Variants in NECTIN3 observed in about 807,000 individuals in gnomAD.
NECTIN3 encodes nectin-3.
In NECTIN3, 8 loss-of-function variants were observed where a neutral mutation model predicts 49.4. The ratio of observed to expected loss-of-function variants is 0.16; its 90% CI spans 0.10 to 0.29. NECTIN3 has a LOEUF of 0.29. Ranked by LOEUF, NECTIN3 falls within the 10% of genes least tolerant of loss-of-function variation. The pLI, the probability that NECTIN3 is intolerant of heterozygous loss-of-function variation, is 1.00. For missense variants in NECTIN3, 581 were observed against 654.6 expected, an observed-to-expected ratio of 0.89 and a Z score of 1.23; for synonymous variants, 277 against 241.1, an observed-to-expected ratio of 1.15 and a Z score of -1.38.
At chr3:111,163,074 G>A (rs1427348469) in intron 7 of NECTIN3, among the ~76,000 whole-genome samples, 1 of 152,172 alleles carries the variant, frequency 6.6e-6, no homozygotes, top group African/African-American at 2.4e-5. Flanking sequence ...CAGTCAGATG[G>A]TGGCTGGGGC....
At chr3:111,080,531 A>T (rs760102264) in intron 1 of NECTIN3, among the ~76,000 whole-genome samples, 4 of 152,170 alleles carry the variant, frequency 2.6e-5, no homozygotes, top group Non-Finnish European at 4.4e-5. Context: ...AGTCATCTAA[A>T]ATAGTCACTC....
chr3:111,119,458 A>C (rs1042880612), intron 3 of NECTIN3, among the ~76,000 whole-genome samples: 1 of 152,112 alleles, frequency 6.6e-6, no homozygotes, highest in Non-Finnish European at 1.5e-5. Flanking sequence ...CAGCCTCCCA[A>C]GTAGCTGGGA....
chr3:111,157,496 A>T (rs2035121345), intron 7 of NECTIN3, among the ~76,000 whole-genome samples: 1 of 152,076 alleles, frequency 6.6e-6, no homozygotes, highest in African/African-American at 2.4e-5. Context: ...CTCCATGATG[A>T]TTTCTTATTG....
At chr3:111,160,649 A>G (rs970645108) in intron 7 of NECTIN3, among the ~76,000 whole-genome samples, 3 of 152,176 alleles carry the variant, frequency 2.0e-5, no homozygotes, top group Non-Finnish European at 4.4e-5. Flanking sequence ...TGATGATCAT[A>G]TATTTTCCAA....
chr3:111,097,544 C>T (rs1195851916), intron 1 of NECTIN3, among the ~76,000 whole-genome samples: 1 of 152,046 alleles, frequency 6.6e-6, no homozygotes, highest in East Asian at 1.9e-4. Context: ...ATCTCATCTT[C>T]AATTCCCACA....
At chr3:111,115,800 C>T (rs2033667772) in intron 2 of NECTIN3, among the ~76,000 whole-genome samples, 1 of 152,116 alleles carries the variant, frequency 6.6e-6, no homozygotes, top group African/African-American at 2.4e-5. Flanking sequence ...TGAATGAAGA[C>T]AAGAACTATT....
intron 2 of NECTIN3, 99 bp downstream of exon 2, chr3:111,112,470 G>A: frequency 1.4e-5 from 11 of 766,016 alleles, no homozygotes; most frequent in Admixed American, 6.9e-5. Flanking sequence ...TTTAACTTTA[G>A]GTTTAAAGTA....
At chr3:111,073,210 AAGCTTG>A (rs1222700815) in intron 1 of NECTIN3, among the ~76,000 whole-genome samples, 1 of 152,156 alleles carries the variant, frequency 6.6e-6, no homozygotes, top group Non-Finnish European at 1.5e-5. Flanking sequence ...GGCAGAACTT[AAGCTTG>A]GTCAAAGATT....
At chr3:111,111,882 CAT>C (rs1491404552) in intron 1 of NECTIN3, 146 bp from the exon 2 acceptor site, 9 of 571,600 alleles carry the variant, frequency 1.6e-5, no homozygotes, top group Non-Finnish European at 2.5e-5. Flanking sequence ...CGTGTGAGTG[CAT>C]GTGTGTGTGT....
At chr3:111,082,955 C>T (rs746219964) in intron 1 of NECTIN3, among the ~76,000 whole-genome samples, 2 of 152,086 alleles carry the variant, frequency 1.3e-5, no homozygotes, top group Non-Finnish European at 2.9e-5. Flanking sequence ...CAGTAGGGTT[C>T]GTGCTCCTGT....
rs530558472 is a variant in NECTIN3, at chr3:111,169,121, G to C, written c.1221+21637G>C. On this transcript the variant is annotated intron_variant, in intron 7 of 8. Transcript: ENST00000493615. ...TTTTTTTTTTTTGAGACGGAGTCTC[G>C]CTCTGTCGCCCAGGCTGGAGTGCAG... Among the ~76,000 whole-genome samples, 17 of 113,750 alleles carry C rather than the reference G, an allele frequency of 1.5e-4. No individual in the cohort carries two copies. In the East Asian group the frequency reaches 4.0e-3, roughly 26 times the overall value. 74.6% of individuals were successfully genotyped at this position (113,750 alleles called of 152,430 possible).
chr3:111,126,437 G>T (rs145899876), intron 5 of NECTIN3, 102 bp downstream of exon 5: 2 of 1,002,892 alleles, frequency 2.0e-6, no homozygotes, highest in Admixed American at 5.9e-5. Context: ...TAAAGATACA[G>T]ATTCCTCAGT....
intron 7 of NECTIN3, among the ~76,000 whole-genome samples, chr3:111,163,750 AGGT>A (rs2035265230): frequency 6.6e-6 from 1 of 152,188 alleles, no homozygotes; most frequent in South Asian, 2.1e-4. Flanking sequence ...TTCATTTTAT[AGGT>A]GGTTAATACA....
chr3:111,125,420 A>G (rs889628149), intron 4 of NECTIN3, among the ~76,000 whole-genome samples: 3 of 152,224 alleles, frequency 2.0e-5, no homozygotes, highest in African/African-American at 7.2e-5. Context: ...CCCTCAGGTT[A>G]GAAAAGTGAT....
intron 7 of NECTIN3, among the ~76,000 whole-genome samples, chr3:111,152,914 CA>C (rs2035029003): frequency 6.6e-6 from 1 of 151,770 alleles, no homozygotes; most frequent in Non-Finnish European, 1.5e-5. Context: ...TGCCATCTTC[CA>C]ATAATAATTT....
chr3:111,121,097 G>C (rs1353784954), intron 3 of NECTIN3, among the ~76,000 whole-genome samples: 1 of 150,198 alleles, frequency 6.7e-6, no homozygotes, highest in Non-Finnish European at 1.5e-5. Context: ...CCGCCTCCCG[G>C]GTTCGTGCCA....
chr3:111,159,660 C>G (rs940396320), intron 7 of NECTIN3, among the ~76,000 whole-genome samples: 6 of 152,146 alleles, frequency 3.9e-5, no homozygotes, highest in Non-Finnish European at 7.4e-5. Context: ...GAAATTTCCT[C>G]CAACATCATT....
chr3:111,136,530 T>C lies in NECTIN3; in HGVS notation c.*2315T>C. ...TTGGGAAGCATTGCACTGTTGTTTA[T>C]TAGAACTTTATGTATATTTACTGTA... On this transcript the variant is annotated 3_prime_UTR_variant, in exon 6 of 6. Coordinates refer to ENST00000485303, the MANE Select transcript of NECTIN3 (RefSeq NM_015480.3). 1.0e-6 allele frequency: 1 copy of C among 969,934 alleles called. No homozygotes were observed. The highest frequency in any genetic ancestry group is 4.8e-5 in the South Asian group (1 of 20,944). 60.1% of individuals were successfully genotyped at this position (969,934 alleles called of 1,614,324 possible). A position where few individuals can be genotyped will look rare whatever the true frequency, so the allele number is the denominator to read the frequency against.
At chr3:111,094,245 A>G (rs2032455854) in intron 1 of NECTIN3, among the ~76,000 whole-genome samples, 1 of 151,978 alleles carries the variant, frequency 6.6e-6, no homozygotes, top group South Asian at 2.1e-4. Flanking sequence ...ATGTCTATTG[A>G]CTTATTTTAT....
Sources: allele counts gnomAD v4.1 joint callset (sites outside exome capture counted in the v4.1 genomes callset), GRCh38; gene constraint gnomAD v4.1.1; transcripts MANE v1.5; gene names NCBI Gene and HGNC (gene_info 2026-07-23, HGNC 2026-07-21).